Variants in SECISBP2L observed in about 807,000 individuals in gnomAD.
The protein encoded by SECISBP2L is SECIS binding protein 2 like.
A neutral mutation model predicts 114.7 loss-of-function variants in SECISBP2L; 43 were observed. The observed-to-expected ratio is 0.38, with a 90% CI of 0.29 to 0.48. SECISBP2L has a LOEUF of 0.48. SECISBP2L is among the 20% of genes least tolerant of loss of function. The pLI is 0.98. For synonymous variants in SECISBP2L, 451 were observed against 439.7 expected (o/e 1.03, Z -0.32); for missense variants, 1,136 against 1,301.1 (o/e 0.87, Z 1.95).
At chr15:49,028,387 C>G in intron 5 of SECISBP2L, 66 bp downstream of exon 5, 1 of 1,450,438 alleles carries the variant, frequency 6.9e-7, no homozygotes, top group Non-Finnish European at 9.6e-7. Flanking sequence ...TAAGCTTTAG[C>G]AGAGGATGCA....
chr15:48,993,277 T>C (rs569686793), intron 17 of SECISBP2L, among the ~76,000 whole-genome samples: 1 of 152,194 alleles, frequency 6.6e-6, no homozygotes, highest in Admixed American at 6.5e-5. Flanking sequence ...TGTGAGCCAC[T>C]GTGCCCAACC....
intron 1 of SECISBP2L, among the ~76,000 whole-genome samples, chr15:49,041,367 G>A (rs1903127206): frequency 6.6e-6 from 1 of 152,172 alleles, no homozygotes; most frequent in African/African-American, 2.4e-5. Flanking sequence ...TGCCTTTGAT[G>A]TAAATAATCT....
At chr15:49,028,819 G>T (rs1395243014) in intron 4 of SECISBP2L, 137 bp from the exon 5 acceptor site, 2 of 719,238 alleles carry the variant, frequency 2.8e-6, no homozygotes, top group South Asian at 3.8e-5. Context: ...TTTTGAAAAG[G>T]TCATTAAAAG....
intron 16 of SECISBP2L, among the ~76,000 whole-genome samples, chr15:48,999,268 C>T (rs1014186003): frequency 6.6e-6 from 1 of 152,128 alleles, no homozygotes; most frequent in African/African-American, 2.4e-5. Flanking sequence ...AAAAAACAGT[C>T]TTAAACACTA....
chr15:48,993,063 ATTTAG>A (rs1902018020), intron 17 of SECISBP2L, 137 bp from the exon 18 acceptor site: 1 of 682,332 alleles, frequency 1.5e-6, no homozygotes, highest in African/African-American at 1.8e-5. Flanking sequence ...AAAACTACAA[ATTTAG>A]TTTATTTAGT....
chr15:49,046,187 G>A, intron 1 of SECISBP2L, 89 bp downstream of exon 1: 1 of 1,459,176 alleles, frequency 6.9e-7, no homozygotes, highest in Non-Finnish European at 9.2e-7. Context: ...ACCGGCCCCC[G>A]GTCCCCACGT....
At chr15:49,038,105 T>G (rs775256249) in intron 1 of SECISBP2L, among the ~76,000 whole-genome samples, 5 of 152,192 alleles carry the variant, frequency 3.3e-5, no homozygotes, top group African/African-American at 4.8e-5. Flanking sequence ...CAAAACAATG[T>G]GTTTTTAACT....
rs1374381673 is a variant in SECISBP2L at position 49,028,540 on chromosome 15, G to A, written c.807C>T (p.Asp269=). ...TGGGACTGCAGTAACCACTATCACT[G>A]TCAATGTCGGCTTCACTAGCCCCCT... ...SEQGASEADI[D]SDSGYCSPKH... is the part of the protein sequence containing the mutation. The change falls in exon 5 of 18, where the codon GAC becomes GAT. Residue 269 remains aspartate, a synonymous_variant. Coordinates refer to ENST00000559471, the MANE Select transcript of SECISBP2L (RefSeq NM_001193489.2). 6.2e-7 allele frequency: 1 copy of A among 1,614,146 alleles called. No homozygotes were observed. The highest frequency in any genetic ancestry group is 8.5e-7 in the Non-Finnish European group (1 of 1,180,034).
intron 12 of SECISBP2L, among the ~76,000 whole-genome samples, chr15:49,012,409 TATC>T (rs1163593006): frequency 1.3e-5 from 2 of 152,156 alleles, no homozygotes; most frequent in Non-Finnish European, 2.9e-5. Flanking sequence ...ACTACATATT[TATC>T]TTTTTTTTAA....
intron 14 of SECISBP2L, among the ~76,000 whole-genome samples, chr15:49,004,622 G>C (rs1902280091): frequency 6.6e-6 from 1 of 152,142 alleles, no homozygotes; most frequent in Non-Finnish European, 1.5e-5. Flanking sequence ...AGAGATTCTA[G>C]TACGTTGTGT....
chr15:49,009,853 C>T (rs186973210), intron 13 of SECISBP2L, among the ~76,000 whole-genome samples: 6 of 152,188 alleles, frequency 3.9e-5, no homozygotes, highest in South Asian at 4.2e-4. Flanking sequence ...CCTCTTAGGC[C>T]GGGCATGGTG....
intron 8 of SECISBP2L, among the ~76,000 whole-genome samples, chr15:49,018,174 T>A (rs769852288): frequency 2.0e-5 from 3 of 152,180 alleles, no homozygotes; most frequent in Non-Finnish European, 4.4e-5. Context: ...CCTGGATATA[T>A]TGAAACTATT....
intron 7 of SECISBP2L, among the ~76,000 whole-genome samples, chr15:49,020,256 G>C (rs1902616040): frequency 6.6e-6 from 1 of 152,164 alleles, no homozygotes; most frequent in South Asian, 2.1e-4. Flanking sequence ...GCCCAGGCTG[G>C]AGTGCAGTGG....
chr15:49,041,004 T>C (rs961702885), intron 1 of SECISBP2L, among the ~76,000 whole-genome samples: 9 of 152,136 alleles, frequency 5.9e-5, no homozygotes, highest in African/African-American at 2.2e-4. Flanking sequence ...AGATACATTA[T>C]AGAACGTTAT....
Position 48,999,934 on chromosome 15 carries a change from T to C in SECISBP2L, c.2302A>G (p.Ile768Val). Residue 768 changes from isoleucine (I) to valine (V), a missense_variant, in exon 16 of 18, where the codon ATT (isoleucine) becomes GTT (valine). Transcript: ENST00000559471. ...CTTCCAAGGGCAAACACAAAAGGAA[T>C]TTCTTGTTCCCGTGCCATGGCTATA... ...NVIAMAREQE[I>V]PFVFALGRKA... is the part of the protein sequence containing the mutation. 6.2e-7 allele frequency: 1 copy of C among 1,613,956 alleles called. No homozygotes were observed. Among genetic ancestry groups the C allele is most frequent in the Non-Finnish European group, 8.5e-7 (1 of 1,179,914 alleles).
chr15:48,992,062 G>A lies in SECISBP2L; in HGVS notation c.*182C>T. 1 of 504,278 alleles carries A rather than the reference G, an allele frequency of 2.0e-6. No homozygotes were observed. The highest frequency in any genetic ancestry group is 3.4e-6 in the Non-Finnish European group (1 of 294,278). 31.2% of individuals were successfully genotyped at this position (504,278 alleles called of 1,614,324 possible). ...GAATTTTCCACACAGTTCTTAGAAA[G>A]ACACTTAGATACTAATTAAAAGCTA... is the stretch of plus-strand genomic sequence containing the variant. On this transcript the variant is annotated 3_prime_UTR_variant, in exon 18 of 18. Coordinates refer to ENST00000559471, the MANE Select transcript of SECISBP2L (RefSeq NM_001193489.2).
chr15:49,005,126 T>C (rs925659478), intron 14 of SECISBP2L, among the ~76,000 whole-genome samples: 2 of 152,224 alleles, frequency 1.3e-5, no homozygotes, highest in African/African-American at 2.4e-5. Context: ...GGTCAGAACT[T>C]TGAGACCAGC....
chr15:49,046,129 G>T (rs1178941467), intron 1 of SECISBP2L, 147 bp downstream of exon 1: 33 of 849,142 alleles, frequency 3.9e-5, no homozygotes, highest in Non-Finnish European at 5.7e-5. Context: ...CAATGAAGGA[G>T]AGCTGGGAGC....
Position 49,001,102 on chromosome 15 carries a change from A to T in SECISBP2L, c.2028-5T>A. On this transcript the variant is annotated splice_polypyrimidine_tract_variant and splice_region_variant and intron_variant, in intron 14 of 17. Coordinates refer to ENST00000559471, the MANE Select transcript of SECISBP2L (RefSeq NM_001193489.2). ...CAAAGAACCTGATTACAATACCTGT[A>T]AAAAAAAACCAAAATGGGTAACTCC... The T allele has an allele frequency of 1.3e-6, 2 of 1,566,528 alleles. No homozygotes were observed. The highest frequency in any genetic ancestry group is 1.7e-6 in the Non-Finnish European group (2 of 1,157,144).
Sources: gnomAD v4.1 joint callset for allele counts (sites outside exome capture counted in the v4.1 genomes callset) on GRCh38, gnomAD v4.1.1 for gene constraint, MANE v1.5 for transcripts, NCBI Gene and HGNC (gene_info 2026-07-23, HGNC 2026-07-21) for gene names.